The following CALHM4 variants were observed in gnomAD, a reference collection of about 807,000 sequenced individuals.
The protein encoded by CALHM4 is calcium homeostasis modulator family member 4.
Under a neutral mutation model 13.3 loss-of-function variants are expected in CALHM4, and 16 were observed. The ratio of observed to expected loss-of-function variants is 1.20; its 90% confidence interval spans 0.81 to 1.82. The LOEUF is 1.82. Among genes scored for constraint, CALHM4 ranks in the 40% most tolerant of loss-of-function variants. The pLI is 0.00. For missense variants in CALHM4, 344 were observed against 374.9 expected, an observed-to-expected ratio of 0.92 and a Z score of 0.68; for synonymous variants, 127 against 137.1, an observed-to-expected ratio of 0.93 and a Z score of 0.52.
At chr6:116,540,941 A>G (rs1429348748) in intron 1 of CALHM4, among the ~76,000 whole-genome samples, 1 of 152,162 alleles carries the variant, frequency 6.6e-6, no homozygotes, top group African/African-American at 2.4e-5. Flanking sequence ...GGAGGGGAAG[A>G]AGAGAGCAGA....
chr6:116,551,434 C>T (rs1774074192), upstream of CALHM4, among the ~76,000 whole-genome samples: 1 of 152,070 alleles, frequency 6.6e-6, no homozygotes, highest in African/African-American at 2.4e-5. Flanking sequence ...ACTCCTTTTC[C>T]TGAATTATTT....
chr6:116,546,259 G>C (rs1323596488), intron 2 of CALHM4, among the ~76,000 whole-genome samples: 2 of 152,152 alleles, frequency 1.3e-5, no homozygotes, highest in African/African-American at 4.8e-5. Flanking sequence ...TAAGCCCTTA[G>C]CTTTCTTTTG....
chr6:116,558,021 T>G lies in CALHM4; in HGVS notation c.755T>G (p.Phe252Cys). The change falls in exon 2 of 2, where the codon TTT (phenylalanine) becomes TGT (cysteine). Residue 252 changes from phenylalanine (F) to cysteine (C), a missense_variant. Coordinates refer to ENST00000368596, the MANE Select transcript of CALHM4 (RefSeq NM_001366078.2). The part of the protein sequence containing the change: ...LLMMHRIKKL[F>C]GFIPGSEDVK... ...ATGATGCATCGCATAAAGAAGCTAT[T>G]TGGCTTCATTCCCGGGAGTGAAGAC... 1.9e-6 allele frequency: 3 copies of G among 1,614,184 alleles called. No homozygotes were observed. In the South Asian group the frequency reaches 3.3e-5, roughly 18 times the overall value.
At chr6:116,546,503 A>C (rs947397228) in intron 2 of CALHM4, among the ~76,000 whole-genome samples, 2 of 152,180 alleles carry the variant, frequency 1.3e-5, no homozygotes, top group African/African-American at 4.8e-5. Context: ...TGACAAACTC[A>C]AGAATACTTT....
At chr6:116,547,726 T>C (rs1243533052) in intron 2 of CALHM4, among the ~76,000 whole-genome samples, 1 of 152,242 alleles carries the variant, frequency 6.6e-6, no homozygotes, top group Admixed American at 6.5e-5. Flanking sequence ...ATCTATAATG[T>C]CTGCCCTGGC....
chr6:116,551,790 A>G (rs547250966), upstream of CALHM4, among the ~76,000 whole-genome samples: 16 of 152,222 alleles, frequency 1.1e-4, no homozygotes, highest in Admixed American at 8.5e-4. Context: ...TAAAATAACA[A>G]TTTTCCAAAG....
chr6:116,542,069 C>T (rs1273069877), intron 1 of CALHM4, among the ~76,000 whole-genome samples: 1 of 152,042 alleles, frequency 6.6e-6, no homozygotes, highest in Non-Finnish European at 1.5e-5. Context: ...TTTTATTATT[C>T]ACAGCTTTTT....
upstream of CALHM4, among the ~76,000 whole-genome samples, chr6:116,549,340 G>C (rs1773945190): frequency 6.6e-6 from 1 of 152,116 alleles, no homozygotes; most frequent in South Asian, 2.1e-4. Context: ...AAGGAAAGAT[G>C]TGGCATTTAC....
chr6:116,544,017 A>G, intron 2 of CALHM4: 2 of 677,864 alleles, frequency 3.0e-6, no homozygotes, highest in Non-Finnish European at 4.9e-6. Context: ...GGTTTTTCCA[A>G]GAACCTAATA....
At chr6:116,544,744 G>A (rs1426595361) in intron 2 of CALHM4, among the ~76,000 whole-genome samples, 1 of 151,998 alleles carries the variant, frequency 6.6e-6, no homozygotes, top group Non-Finnish European at 1.5e-5. Flanking sequence ...GTATCTGCAG[G>A]CATTTCAAAC....
At chr6:116,555,907 T>G (rs9488968) in intron 1 of CALHM4, among the ~76,000 whole-genome samples, 5,115 of 152,294 alleles carry the variant, frequency 0.034, 277 homozygotes, top group African/African-American at 0.12. Context: ...TAAGTGCAAA[T>G]TGAATGATGA....
chr6:116,556,939 C>CTTTT (rs35964763), intron 1 of CALHM4, among the ~76,000 whole-genome samples: 14 of 119,492 alleles, frequency 1.2e-4, no homozygotes, highest in South Asian at 2.8e-4. Flanking sequence ...TATTTTTAAT[C>CTTTT]TTTTTTTTTT....
chr6:116,558,060 GCATTCC>G lies in CALHM4; in HGVS notation c.795_800del (p.Ile266_Pro267del). The G allele has an allele frequency of 6.2e-7, 1 of 1,614,104 alleles. No individual in the cohort carries two copies. The highest frequency in any genetic ancestry group is 8.5e-7 in the Non-Finnish European group (1 of 1,180,004). ...GGGAGTGAAGACGTCAAACACATCCGCATTCCTTCTTGTCAGGACTGGAAAGATATT... is the reference window on the plus strand; with the variant it reads ...GGGAGTGAAGACGTCAAACACATCCGTTCTTGTCAGGACTGGAAAGATATT... On this transcript the variant is annotated inframe_deletion, in exon 2 of 2. Transcript: ENST00000368596.
At chr6:116,545,405 C>G in intron 2 of CALHM4, 1 of 1,384,724 alleles carries the variant, frequency 7.2e-7, no homozygotes, top group Non-Finnish European at 9.9e-7. Flanking sequence ...TTTTTAAAAT[C>G]AATCAGAAAT....
chr6:116,545,618 C>T, intron 2 of CALHM4: 1 of 1,058,342 alleles, frequency 9.4e-7, no homozygotes, highest in Middle Eastern at 2.1e-4. Context: ...GTAAGCTCTT[C>T]CTCGCTTTGA....
chr6:116,557,512 T>C lies in CALHM4; in HGVS notation c.559-313T>C, dbSNP rs553542636. On this transcript the variant is annotated intron_variant, in intron 1 of 1. Transcript: ENST00000368596. ...AACTAAAAGCAAAGAAAGGTATGTA[T>C]CATATGTAAGGTTAATTGGTGGGTT... is the stretch of plus-strand genomic sequence containing the variant. 6.6e-5 allele frequency among the ~76,000 whole-genome samples: 10 copies of C among 152,304 alleles called. No homozygotes were observed. The East Asian group carries it at 1.3e-3, about 21-fold the overall frequency.
chr6:116,557,353 G>A lies in CALHM4; in HGVS notation c.559-472G>A, dbSNP rs115099869. Among the ~76,000 whole-genome samples the A allele has an allele frequency of 1.1e-3, 160 of 152,274 alleles. 1 individual carries two copies. The highest frequency in any genetic ancestry group is 3.7e-3 in the African/African-American group (155 of 41,546). Reference sequence around the variant, plus strand: ...AAAAAATATCAGTGAACACCTGTTGGTACATCATTGAAAATGCCTTAGAAG... The same window carrying A: ...AAAAAATATCAGTGAACACCTGTTGATACATCATTGAAAATGCCTTAGAAG... On this transcript the variant is annotated intron_variant, in intron 1 of 1. Coordinates refer to ENST00000368596, the MANE Select transcript of CALHM4 (RefSeq NM_001366078.2).
rs1455426609 is a variant in CALHM4 at position 116,559,202 on chromosome 6, T to C, written c.*991T>C. Among the ~76,000 whole-genome samples the C allele has an allele frequency of 1.3e-5, 2 of 152,362 alleles. No individual in the cohort carries two copies. The highest frequency in any genetic ancestry group is 6.5e-5 in the Admixed American group (1 of 15,306). On this transcript the variant is annotated 3_prime_UTR_variant, in exon 2 of 2. Coordinates refer to ENST00000368596, the MANE Select transcript of CALHM4 (RefSeq NM_001366078.2). ...ATTTATCTAGATTATTTCTGTGATA[T>C]ATAGTGACTCGTGCCTGATTTTTGC...
rs376423513 is a variant in CALHM4 at position 116,539,745 on chromosome 6, G to A, written c.-108-4020G>A. ...CAGTTTTGTAAACCTGGAGACACGC[G>A]TATCTTCTGAGTCTCCCACAAATTA... On this transcript the variant is annotated intron_variant, in intron 1 of 2. Transcript: ENST00000368597. 7.2e-5 allele frequency among the ~76,000 whole-genome samples: 11 copies of A among 152,168 alleles called. No individual in the cohort carries two copies. The South Asian group carries it at 1.0e-3, about 14-fold the overall frequency.
Sources: allele counts gnomAD v4.1 joint callset (sites outside exome capture counted in the v4.1 genomes callset), GRCh38; gene constraint gnomAD v4.1.1; transcripts MANE v1.5; gene names NCBI Gene and HGNC (gene_info 2026-07-23, HGNC 2026-07-21).